The following RYR3 variants were observed in gnomAD, a reference collection of about 807,000 sequenced individuals.
RYR3 encodes the protein ryanodine receptor 3, also known as brain ryanodine receptor-calcium release channel.
In RYR3, 207 loss-of-function variants were observed where a neutral mutation model predicts 584.3. The observed-to-expected ratio is 0.35, with a 90% CI of 0.32 to 0.40. The LOEUF is 0.40. Among genes scored for constraint, RYR3 ranks in the 10% least tolerant of loss-of-function variants. The pLI is 1.00. For missense variants in RYR3, 5,616 were observed against 6,089.2 expected (o/e 0.92, Z 2.59); for synonymous variants, 2,416 against 2,248.5 (o/e 1.07, Z -2.11).
intron 60 of RYR3, among the ~76,000 whole-genome samples, chr15:33,766,983 A>T (rs1328117721): frequency 6.6e-6 from 1 of 152,254 alleles, no homozygotes; most frequent in Admixed American, 6.5e-5. Flanking sequence ...TGGCCTTGGC[A>T]TGCCTAAGAA....
chr15:33,650,642 T>G (rs1310611939), intron 31 of RYR3, among the ~76,000 whole-genome samples: 2 of 152,194 alleles, frequency 1.3e-5, no homozygotes, highest in Non-Finnish European at 2.9e-5. Flanking sequence ...GGCCCCAACA[T>G]CTTCCACCTA....
rs182100844 is a variant in RYR3, at chr15:33,781,025, G to A, written c.9268+684G>A. ...TTTAGCACGACAATGGCAGAGTTGA[G>A]TAGAGGCAGGAAAGTTTGGCCCGCG... On this transcript the variant is annotated intron_variant, in intron 65 of 103. Transcript: ENST00000634891. Among the ~76,000 whole-genome samples the A allele has an allele frequency of 2.0e-4, 30 of 152,314 alleles. No individual in the cohort carries two copies. The East Asian group carries it at 5.4e-3, about 27-fold the overall frequency.
intron 19 of RYR3, among the ~76,000 whole-genome samples, chr15:33,617,657 T>A (rs1286720845): frequency 1.3e-5 from 2 of 152,206 alleles, no homozygotes; most frequent in Non-Finnish European, 2.9e-5. Context: ...TCCTCCTGTT[T>A]AATGGTCTTT....
chr15:33,697,966 G>C lies in RYR3; in HGVS notation c.6219G>C (p.Met2073Ile). 1 of 1,613,576 alleles carries C rather than the reference G, an allele frequency of 6.2e-7. No individual in the cohort carries two copies. The highest frequency in any genetic ancestry group is 8.5e-7 in the Non-Finnish European group (1 of 1,179,510). ...TGCACGAGACGGTGATGGAGGTGATGGTGAACGTGTTGGGTACAGAGAAAT... is the reference window on the plus strand; with the variant it reads ...TGCACGAGACGGTGATGGAGGTGATCGTGAACGTGTTGGGTACAGAGAAAT... Reference protein sequence around the residue: ...LGMHETVMEVMVNVLGTEKSQ... With the variant: ...LGMHETVMEVIVNVLGTEKSQ... Residue 2073 changes from methionine to isoleucine, a missense_variant, in exon 40 of 104, where the codon ATG (methionine) becomes ATC (isoleucine). By Grantham distance (10) the Met-to-Ile change is conservative. Transcript: ENST00000634891.
intron 1 of RYR3, among the ~76,000 whole-genome samples, chr15:33,451,777 T>C (rs2047152201): frequency 6.6e-6 from 1 of 152,224 alleles, no homozygotes; most frequent in Admixed American, 6.5e-5. Context: ...TTATAGTTTA[T>C]AGGATGCATC....
chr15:33,431,426 T>C (rs1327202362), intron 1 of RYR3, among the ~76,000 whole-genome samples: 3 of 152,166 alleles, frequency 2.0e-5, no homozygotes, highest in African/African-American at 7.2e-5. Context: ...TATGTATGTA[T>C]AGATATGTTT....
chr15:33,590,536 G>T (rs981336889), intron 16 of RYR3, among the ~76,000 whole-genome samples: 1 of 152,154 alleles, frequency 6.6e-6, no homozygotes, highest in Non-Finnish European at 1.5e-5. Context: ...TGATCCATGA[G>T]CATGGGATGT....
intron 1 of RYR3, among the ~76,000 whole-genome samples, chr15:33,414,221 AAG>A (rs1355977240): frequency 4.6e-5 from 7 of 152,238 alleles, no homozygotes; most frequent in Non-Finnish European, 8.8e-5. Flanking sequence ...AATATTAGAA[AAG>A]AGAATGTGAT....
In RYR3 at chr15:33,497,095, C is replaced by T. The variant is rs373613404; in HGVS notation, c.172-6536C>T. ...AATTGGGCTGACTCTGGTTGCCCAG[C>T]CTCCACTAATTCTCCTTTTGTGGAG... On this transcript the variant is annotated intron_variant, in intron 2 of 103. Coordinates refer to ENST00000634891, the MANE Select transcript of RYR3 (RefSeq NM_001036.6). Among the ~76,000 whole-genome samples the T allele has an allele frequency of 3.9e-5, 6 of 152,264 alleles. No homozygotes were observed. The East Asian group carries it at 1.2e-3, about 29-fold the overall frequency.
At chr15:33,346,878 G>A (rs1972520655) in intron 1 of RYR3, among the ~76,000 whole-genome samples, 3 of 152,086 alleles carry the variant, frequency 2.0e-5, no homozygotes, top group African/African-American at 7.2e-5. Flanking sequence ...TTAGGTGGGA[G>A]GGTTGCTTGA....
At position 33,647,407 on chromosome 15, in the gene RYR3, G is replaced by T; in HGVS notation, c.3942-17G>T. 1 of 1,601,286 alleles carries T rather than the reference G, an allele frequency of 6.2e-7. No homozygotes were observed. Among genetic ancestry groups the T allele is most frequent in the Non-Finnish European group, 8.6e-7 (1 of 1,168,672 alleles). On this transcript the variant is annotated splice_polypyrimidine_tract_variant and intron_variant, in intron 29 of 103. Coordinates refer to ENST00000634891, the MANE Select transcript of RYR3 (RefSeq NM_001036.6). ...AATACAGCTGAATAACTAAAACATG[G>T]ATTATCTTTCCCCCAGGAAACAGAT...
Position 33,859,569 on chromosome 15 carries a change from C to A in RYR3, c.14143-6C>A, listed in dbSNP as rs1452735268. The A allele has an allele frequency of 5.0e-6, 8 of 1,613,512 alleles. No individual in the cohort carries two copies. Among genetic ancestry groups the A allele is most frequent in the Non-Finnish European group, 5.9e-6 (7 of 1,179,784 alleles). On this transcript the variant is annotated splice_polypyrimidine_tract_variant and splice_region_variant and intron_variant, in intron 99 of 103. Transcript: ENST00000634891. Reference sequence around the variant, plus strand: ...TGCCTAAATCCCCCTTATTTTTCTTCTCTAGTGTTACCTTTTCCACATGTA... The same window carrying A: ...TGCCTAAATCCCCCTTATTTTTCTTATCTAGTGTTACCTTTTCCACATGTA...
chr15:33,807,479 G>A, intron 69 of RYR3, 76 bp from the exon 70 acceptor site: 1 of 1,380,966 alleles, frequency 7.2e-7, no homozygotes. Context: ...CTAACATATG[G>A]TGCCTTTTGC....
At chr15:33,641,327 T>C (rs2061811903) in intron 27 of RYR3, among the ~76,000 whole-genome samples, 1 of 152,224 alleles carries the variant, frequency 6.6e-6, no homozygotes, top group Non-Finnish European at 1.5e-5. Flanking sequence ...CTCAGTTTCC[T>C]CATCTGTAAA....
At chr15:33,556,582 A>T (rs755163605) in intron 10 of RYR3, among the ~76,000 whole-genome samples, 2 of 152,220 alleles carry the variant, frequency 1.3e-5, no homozygotes, top group Non-Finnish European at 2.9e-5. Flanking sequence ...TTAGAAGAAG[A>T]TTCAGTATTT....
intron 2 of RYR3, among the ~76,000 whole-genome samples, chr15:33,481,994 G>A (rs2572180): frequency 0.42 from 64,183 of 151,662 alleles, 14,902 homozygotes; most frequent in Non-Finnish European, 0.52. Flanking sequence ...AAGGGAAGAA[G>A]AACCTTTTAT....
At chr15:33,504,108 G>A (rs2052251807) in intron 3 of RYR3, among the ~76,000 whole-genome samples, 1 of 152,196 alleles carries the variant, frequency 6.6e-6, no homozygotes, top group East Asian at 1.9e-4. Context: ...CCTCACTGGG[G>A]AGTTAGGACT....
intron 1 of RYR3, among the ~76,000 whole-genome samples, chr15:33,455,167 G>A (rs1469016651): frequency 6.6e-6 from 1 of 152,166 alleles, no homozygotes; most frequent in Non-Finnish European, 1.5e-5. Context: ...CCATGGGTGT[G>A]TGGGTGAATG....
chr15:33,777,941 G>A (rs11631718), intron 64 of RYR3, among the ~76,000 whole-genome samples: 89,509 of 151,918 alleles, frequency 0.59, 27,328 homozygotes, highest in East Asian at 0.96. Context: ...AGGCAGAGGC[G>A]GGCGGATCAC....
Sources: allele counts gnomAD v4.1 joint callset (sites outside exome capture counted in the v4.1 genomes callset), GRCh38; gene constraint gnomAD v4.1.1; transcripts MANE v1.5; gene names NCBI Gene and HGNC (gene_info 2026-07-23, HGNC 2026-07-21).